Variants in PDE4D observed in about 807,000 individuals in gnomAD.
PDE4D encodes phosphodiesterase 4D.
Under a neutral mutation model 87.4 loss-of-function variants are expected in PDE4D, and 24 were observed. That is an observed-to-expected ratio of 0.27 (90% confidence interval 0.20 to 0.39). PDE4D has a LOEUF of 0.39. Ranked by LOEUF, PDE4D falls within the 10% of genes least tolerant of loss-of-function variation. The pLI is 1.00. For synonymous variants in PDE4D, 384 were observed against 383.2 expected, an observed-to-expected ratio of 1.00 and a Z score of -0.02; for missense variants, 714 against 1,041.0, an observed-to-expected ratio of 0.69 and a Z score of 4.32.
In PDE4D at chr5:59,334,247, G is replaced by GT. The variant is rs564248041; in HGVS notation, c.456-118280dup. Among the ~76,000 whole-genome samples the GT allele has an allele frequency of 6.6e-3, 655 of 98,596 alleles. 65 individuals carry two copies. The highest frequency in any genetic ancestry group is 0.025 in the East Asian group (81 of 3,236). The allele number at this position is 98,596 out of a possible 152,430, so 64.7% of individuals were successfully genotyped here. A position where few individuals can be genotyped will look rare whatever the true frequency, so the allele number is the denominator to read the frequency against. On this transcript the variant is annotated intron_variant, in intron 1 of 14. Coordinates refer to ENST00000340635, the MANE Select transcript of PDE4D (RefSeq NM_001104631.2). ...AAGTTGGAAGAGAGGATCCAGTGGA[G>GT]TTTTTTTTTTTTTTTTTTTTTTTTT...
intron 1 of PDE4D, among the ~76,000 whole-genome samples, chr5:59,478,729 G>T (rs72767785): frequency 0.24 from 36,135 of 151,796 alleles, 4,938 homozygotes; most frequent in African/African-American, 0.36. Flanking sequence ...ATTATTTTTG[G>T]TTTTGGAAGA....
intron 2 of PDE4D, among the ~76,000 whole-genome samples, chr5:60,069,325 C>A (rs1016232640): frequency 6.6e-6 from 1 of 152,150 alleles, no homozygotes; most frequent in African/African-American, 2.4e-5. Context: ...CACCTTTCCA[C>A]CATGTGAGAC....
intron 1 of PDE4D, among the ~76,000 whole-genome samples, chr5:59,678,903 G>T (rs965323425): frequency 2.6e-5 from 4 of 152,174 alleles, no homozygotes; most frequent in African/African-American, 9.6e-5. Context: ...TTTTGACATG[G>T]AGTGTTACCA....
At chr5:60,028,534 T>A (rs1161219236) in intron 2 of PDE4D, among the ~76,000 whole-genome samples, 2 of 152,164 alleles carry the variant, frequency 1.3e-5, no homozygotes, top group Non-Finnish European at 2.9e-5. Context: ...TAAATCATGC[T>A]CTGTTCATTT....
chr5:60,144,785 C>T (rs1487407080), intron 2 of PDE4D, among the ~76,000 whole-genome samples: 1 of 152,170 alleles, frequency 6.6e-6, no homozygotes, highest in African/African-American at 2.4e-5. Flanking sequence ...AGAATTTTGC[C>T]TTTGTCCAAT....
intron 1 of PDE4D, among the ~76,000 whole-genome samples, chr5:59,788,111 T>A (rs555304641): frequency 6.6e-6 from 1 of 152,298 alleles, no homozygotes; most frequent in East Asian, 1.9e-4. Context: ...AAATGCATTC[T>A]AGTATGGTGT....
chr5:59,541,444 T>A (rs972392259), intron 1 of PDE4D, among the ~76,000 whole-genome samples: 1 of 152,214 alleles, frequency 6.6e-6, no homozygotes. Flanking sequence ...CTGGCAAATG[T>A]TCAAAGTAAA....
intron 1 of PDE4D, among the ~76,000 whole-genome samples, chr5:59,733,726 T>TTTTGTGAATGGTAA (rs1394667132): frequency 6.7e-6 from 1 of 150,286 alleles, no homozygotes; most frequent in Non-Finnish European, 1.5e-5. Flanking sequence ...AGCATCCATA[T>TTTTGTGAATGGTAA]TACCATCTTT....
chr5:59,271,569 G>T (rs1272430033), intron 1 of PDE4D, among the ~76,000 whole-genome samples: 2 of 151,932 alleles, frequency 1.3e-5, no homozygotes, highest in Non-Finnish European at 2.9e-5. Context: ...TGATCATGAG[G>T]CCAAAATAAG....
chr5:59,715,424 T>C (rs1754873293), intron 1 of PDE4D, among the ~76,000 whole-genome samples: 1 of 152,164 alleles, frequency 6.6e-6, no homozygotes. Flanking sequence ...GGTACACAGA[T>C]GGGTCTAGCT....
At chr5:59,858,318 C>T (rs1333155917) in intron 1 of PDE4D, among the ~76,000 whole-genome samples, 2 of 151,892 alleles carry the variant, frequency 1.3e-5, no homozygotes, top group Non-Finnish European at 2.9e-5. Context: ...CCTAGAATTT[C>T]CCTGTATCCT....
chr5:59,340,448 T>C (rs1778522630), intron 1 of PDE4D, among the ~76,000 whole-genome samples: 2 of 152,202 alleles, frequency 1.3e-5, no homozygotes, highest in Non-Finnish European at 2.9e-5. Context: ...ATGAGATATT[T>C]TGATATAAGG....
At chr5:60,187,907 A>G (rs948485975) in intron 1 of PDE4D, among the ~76,000 whole-genome samples, 1 of 152,242 alleles carries the variant, frequency 6.6e-6, no homozygotes, top group African/African-American at 2.4e-5. Context: ...TACAAAAGAA[A>G]GATAATAATA....
intron 5 of PDE4D, among the ~76,000 whole-genome samples, chr5:59,089,507 CA>C (rs1768310499): frequency 6.6e-6 from 1 of 152,014 alleles, no homozygotes; most frequent in South Asian, 2.1e-4. Flanking sequence ...TTATATGTAT[CA>C]ACTCATTGAA....
intron 1 of PDE4D, chr5:59,586,260 C>G: frequency 8.4e-7 from 1 of 1,185,364 alleles, no homozygotes; most frequent in Non-Finnish European, 1.3e-6. Flanking sequence ...GACAAATCCT[C>G]ATCTGGTACC....
intron 1 of PDE4D, among the ~76,000 whole-genome samples, chr5:59,360,970 A>T (rs566105569): frequency 6.6e-5 from 10 of 152,346 alleles, no homozygotes; most frequent in African/African-American, 2.4e-4. Flanking sequence ...AATAAGAGGC[A>T]TGCTTAAATA....
intron 1 of PDE4D, among the ~76,000 whole-genome samples, chr5:59,261,476 G>A (rs1478602103): frequency 6.6e-6 from 1 of 151,790 alleles, no homozygotes; most frequent in Non-Finnish European, 1.5e-5. Context: ...TAGTGAAATA[G>A]AGCCTCAAGC....
chr5:59,140,381 G>A (rs1466134071), intron 5 of PDE4D, among the ~76,000 whole-genome samples: 1 of 152,182 alleles, frequency 6.6e-6, no homozygotes, highest in Non-Finnish European at 1.5e-5. Flanking sequence ...TGCACATTGG[G>A]TCTAATTAAA....
rs1316937670 is a variant in PDE4D, at chr5:60,197,070, T to TAGATAGATAGACAGAC, written c.-89-11384_-89-11383insGTCTGTCTATCTATCT. Among the ~76,000 whole-genome samples, 276 of 122,998 alleles carry TAGATAGATAGACAGAC rather than the reference T, an allele frequency of 2.2e-3. 3 individuals carry two copies. Among genetic ancestry groups the TAGATAGATAGACAGAC allele is most frequent in the South Asian group, 4.2e-3 (15 of 3,578 alleles). 80.7% of individuals were successfully genotyped at this position (122,998 alleles called of 152,430 possible). A position where few individuals can be genotyped will look rare whatever the true frequency, so the allele number is the denominator to read the frequency against. ...ATAGATAGATAGATAGATAGATAGA[T>TAGATAGATAGACAGAC]AGACAGTTAGATAGATAGATAGATA... is the stretch of plus-strand genomic sequence containing the variant. On this transcript the variant is annotated intron_variant, in intron 1 of 16. Transcript: ENST00000502484.
Sources: allele counts gnomAD v4.1 joint callset (sites outside exome capture counted in the v4.1 genomes callset), GRCh38; gene constraint gnomAD v4.1.1; transcripts MANE v1.5; gene names NCBI Gene and HGNC (gene_info 2026-07-23, HGNC 2026-07-21).